Variants in TLK2 observed in about 807,000 individuals in gnomAD.
TLK2 encodes the protein tousled like kinase 2.
Under a neutral mutation model 117.3 loss-of-function variants are expected in TLK2, and 6 were observed. The ratio of observed to expected loss-of-function variants is 0.05; its 90% CI spans 0.03 to 0.10. The LOEUF (loss-of-function observed/expected upper bound fraction) is 0.10, where lower values mean the gene tolerates loss of function less well. Ranked by LOEUF, TLK2 falls within the 10% of genes least tolerant of loss-of-function variation. The pLI, the probability that TLK2 is intolerant of heterozygous loss-of-function variation, is 1.00. For missense variants in TLK2, 299 were observed against 901.2 expected (o/e 0.33, Z 8.56); for synonymous variants, 257 against 316.7 (o/e 0.81, Z 2.00).
intron 2 of TLK2, among the ~76,000 whole-genome samples, chr17:62,482,848 C>A (rs2071848527): frequency 2.0e-5 from 3 of 152,180 alleles, no homozygotes. Flanking sequence ...CACAGTACCT[C>A]CACATCTGCA....
At chr17:62,585,106 T>C (rs1412027853) in intron 15 of TLK2, among the ~76,000 whole-genome samples, 1 of 152,194 alleles carries the variant, frequency 6.6e-6, no homozygotes, top group East Asian at 1.9e-4. Flanking sequence ...CATGTTACCT[T>C]TTTCACTGTG....
chr17:62,501,601 T>C (rs1179524160), intron 2 of TLK2, among the ~76,000 whole-genome samples: 2 of 148,886 alleles, frequency 1.3e-5, no homozygotes, highest in African/African-American at 5.0e-5. Flanking sequence ...AAAAAACAAA[T>C]TAAAAAAAAA....
chr17:62,476,136 T>C (rs989950269), upstream of TLK2, among the ~76,000 whole-genome samples: 2 of 152,026 alleles, frequency 1.3e-5, no homozygotes, highest in African/African-American at 2.4e-5. Context: ...CGTACCACTA[T>C]GCCGAGCTAA....
intron 15 of TLK2, among the ~76,000 whole-genome samples, chr17:62,582,627 C>T (rs928976851): frequency 6.6e-6 from 1 of 151,858 alleles, no homozygotes; most frequent in Non-Finnish European, 1.5e-5. Context: ...AGTTTATTTT[C>T]TTTGTAATTT....
At chr17:62,480,303 G>C (rs1165265226) in intron 1 of TLK2, among the ~76,000 whole-genome samples, 3 of 152,170 alleles carry the variant, frequency 2.0e-5, no homozygotes, top group Non-Finnish European at 4.4e-5. Flanking sequence ...TAAATGGGTC[G>C]TGTAGGAGTT....
chr17:62,506,646 C>A (rs2543457), intron 2 of TLK2, among the ~76,000 whole-genome samples: 1 of 152,010 alleles, frequency 6.6e-6, no homozygotes, highest in African/African-American at 2.4e-5. Context: ...AGATTATGTT[C>A]ATTTTTATAT....
chr17:62,478,988 C>T lies in TLK2; in HGVS notation c.-308C>T, dbSNP rs1372806963. 3 of 150,910 alleles carry T rather than the reference C, an allele frequency of 2.0e-5. No homozygotes were observed. Among genetic ancestry groups the T allele is most frequent in the African/African-American group, 2.4e-5 (1 of 41,340 alleles). 9.3% of individuals were successfully genotyped at this position (150,910 alleles called of 1,614,324 possible). ...TGGGCCCTCCTGCGCCTCCCTTGGC[C>T]TTTGTCCGGCGCCAGGAGGCCGGTC... is the stretch of plus-strand genomic sequence containing the variant. On this transcript the variant is annotated 5_prime_UTR_variant, in exon 1 of 22. Coordinates refer to ENST00000346027, the MANE Select transcript of TLK2 (RefSeq NM_006852.6).
chr17:62,547,473 A>G (rs2146075686), intron 7 of TLK2, among the ~76,000 whole-genome samples: 1 of 151,942 alleles, frequency 6.6e-6, no homozygotes, highest in African/African-American at 2.4e-5. Context: ...TTTTTCTCTA[A>G]CGGATCTGAG....
intron 13 of TLK2, among the ~76,000 whole-genome samples, chr17:62,577,538 A>G (rs1401197488): frequency 2.0e-5 from 3 of 152,270 alleles, no homozygotes; most frequent in African/African-American, 7.2e-5. Context: ...GGCACATAAC[A>G]TAGAATTTGT....
chr17:62,520,640 G>T (rs2075973290), intron 2 of TLK2, 133 bp from the exon 3 acceptor site: 2 of 789,968 alleles, frequency 2.5e-6, no homozygotes, highest in Non-Finnish European at 3.6e-6. Context: ...TCACGCCATT[G>T]TATTCCAGCC....
At chr17:62,496,783 G>A (rs1395008711) in intron 2 of TLK2, among the ~76,000 whole-genome samples, 3 of 151,730 alleles carry the variant, frequency 2.0e-5, no homozygotes, top group East Asian at 1.9e-4. Flanking sequence ...GTGAAACCCC[G>A]TCTCTACTAA....
intron 7 of TLK2, among the ~76,000 whole-genome samples, chr17:62,540,649 T>G (rs541449393): frequency 6.6e-6 from 1 of 151,868 alleles, no homozygotes; most frequent in Admixed American, 6.6e-5. Flanking sequence ...TCCACCCGCC[T>G]TGGCCTCCCA....
At chr17:62,478,611 G>A (rs2071202521), upstream of TLK2, among the ~76,000 whole-genome samples, 2 of 150,878 alleles carry the variant, frequency 1.3e-5, no homozygotes, top group Admixed American at 1.3e-4. Context: ...CCGCCGGCGC[G>A]GGGTCCCCTG....
chr17:62,500,410 C>T lies in TLK2; in HGVS notation c.81+19204C>T, dbSNP rs8076762. On this transcript the variant is annotated intron_variant, in intron 2 of 21. Transcript: ENST00000346027. ...AGGAGTAATGAAGCATGATTCATCA[C>T]GAAAGAAGGATCAATTTTTTGAGAA... Among the ~76,000 whole-genome samples the T allele has an allele frequency of 5.2e-3, 796 of 152,080 alleles. 5 individuals carry two copies. Among genetic ancestry groups the T allele is most frequent in the African/African-American group, 0.018 (757 of 41,468 alleles).
At position 62,502,798 on chromosome 17, in the gene TLK2, T is replaced by G. The variant is rs538079197; in HGVS notation, c.82-17975T>G. 1.1e-3 allele frequency among the ~76,000 whole-genome samples: 160 copies of G among 152,338 alleles called. 1 individual carries two copies. Among genetic ancestry groups the G allele is most frequent in the African/African-American group, 3.4e-3 (141 of 41,590 alleles). On this transcript the variant is annotated intron_variant, in intron 2 of 21. Coordinates refer to ENST00000346027, the MANE Select transcript of TLK2 (RefSeq NM_006852.6). The stretch of plus-strand genomic sequence containing the variant: ...TATAATAGCATCAAATAATGTGCAA[T>G]GTTAAAACATTCCCCAAGAACAGAA...
intron 7 of TLK2, among the ~76,000 whole-genome samples, chr17:62,545,767 A>G (rs1307373968): frequency 6.6e-6 from 1 of 151,840 alleles, no homozygotes; most frequent in Non-Finnish European, 1.5e-5. Context: ...CAGTGGCCTA[A>G]TTGTGGCTCA....
At chr17:62,491,190 T>C (rs921245638) in intron 2 of TLK2, among the ~76,000 whole-genome samples, 7 of 152,232 alleles carry the variant, frequency 4.6e-5, no homozygotes, top group African/African-American at 1.7e-4. Flanking sequence ...TCCTTGTGAC[T>C]TTCACTTCTC....
intron 10 of TLK2, among the ~76,000 whole-genome samples, chr17:62,563,321 G>A (rs955591682): frequency 4.6e-5 from 7 of 152,176 alleles, no homozygotes; most frequent in Admixed American, 3.3e-4. Flanking sequence ...GCACACACCT[G>A]TAGTCCTAGC....
At chr17:62,564,219 A>G (rs1046693841) in intron 10 of TLK2, among the ~76,000 whole-genome samples, 1 of 152,084 alleles carries the variant, frequency 6.6e-6, no homozygotes, top group Non-Finnish European at 1.5e-5. Flanking sequence ...CGTGGCCAAC[A>G]TGGCGAAACC....
Sources: gnomAD v4.1 joint callset for allele counts (sites outside exome capture counted in the v4.1 genomes callset) on GRCh38, gnomAD v4.1.1 for gene constraint, MANE v1.5 for transcripts, NCBI Gene and HGNC (gene_info 2026-07-23, HGNC 2026-07-21) for gene names.